TMPRSS4: variants seen among roughly 807,000 people sequenced by gnomAD.
TMPRSS4 encodes the protein transmembrane serine protease 4.
TMPRSS4 carries 45 observed loss-of-function variants against 56.4 expected under a neutral mutation model. The ratio of observed to expected loss-of-function variants is 0.80; its 90% CI spans 0.63 to 1.02. TMPRSS4 has a LOEUF of 1.02. TMPRSS4 is among the 50% of genes least tolerant of loss of function. The probability of loss-of-function intolerance (pLI) is 0.00; values close to 1 mark genes in which losing one functional copy is unlikely to be tolerated. For missense variants in TMPRSS4, 546 were observed against 556.7 expected, an observed-to-expected ratio of 0.98 and a Z score of 0.19; for synonymous variants, 205 against 211.0, an observed-to-expected ratio of 0.97 and a Z score of 0.25.
At chr11:118,091,058 A>T (rs1452237470) in intron 1 of TMPRSS4, among the ~76,000 whole-genome samples, 1 of 152,188 alleles carries the variant, frequency 6.6e-6, no homozygotes, top group African/African-American at 2.4e-5. Flanking sequence ...CTCAGTGGAA[A>T]AGAATGAATT....
Position 118,102,925 on chromosome 11 carries a change from C to A in TMPRSS4, c.158-176C>A, listed in dbSNP as rs1694183071. 3 of 758,016 alleles carry A rather than the reference C, an allele frequency of 4.0e-6. No homozygotes were observed. In the South Asian group the frequency reaches 5.3e-5, roughly 13 times the overall value. 47.0% of individuals were successfully genotyped at this position (758,016 alleles called of 1,614,324 possible). ...GGCCGGTGTTACTATCTCCACTTTA[C>A]AGACAAGGAAGCTGAGGCTCAGGCC... On this transcript the variant is annotated intron_variant, in intron 3 of 12. Coordinates refer to ENST00000437212, the MANE Select transcript of TMPRSS4 (RefSeq NM_019894.4).
intron 11 of TMPRSS4, among the ~76,000 whole-genome samples, chr11:118,116,229 C>T (rs1400511034): frequency 3.3e-5 from 5 of 152,212 alleles, no homozygotes; most frequent in Admixed American, 6.5e-5. Context: ...GCTGGGATTA[C>T]AGGCATGAGC....
chr11:118,090,006 GGC>G (rs1555082454), intron 1 of TMPRSS4, among the ~76,000 whole-genome samples: 1 of 152,044 alleles, frequency 6.6e-6, no homozygotes, highest in Non-Finnish European at 1.5e-5. Flanking sequence ...CACCACACCT[GGC>G]TAATCTTTGT....
intron 5 of TMPRSS4, chr11:118,105,651 CAG>C (rs1367587497): frequency 6.6e-6 from 1 of 152,160 alleles, no homozygotes; most frequent in Non-Finnish European, 1.5e-5. Context: ...GTTGATCACT[CAG>C]AGAGTTTAGC....
rs571667461 is a variant in TMPRSS4, at chr11:118,108,848, T to C, written c.543-8T>C. On this transcript the variant is annotated splice_polypyrimidine_tract_variant and splice_region_variant and intron_variant, in intron 6 of 12. Coordinates refer to ENST00000437212, the MANE Select transcript of TMPRSS4 (RefSeq NM_019894.4). ...CTTAAATCACAGGGCGCTGTGTCTG[T>C]CTTCCAGGCCCTGTCTCTCAGGCTC... 1 of 1,614,076 alleles carries C rather than the reference T, an allele frequency of 6.2e-7. No homozygotes were observed. Among genetic ancestry groups the C allele is most frequent in the East Asian group, 2.2e-5 (1 of 44,874 alleles).
chr11:118,082,691 G>C (rs1201681227), intron 1 of TMPRSS4, among the ~76,000 whole-genome samples: 1 of 152,098 alleles, frequency 6.6e-6, no homozygotes, highest in East Asian at 1.9e-4. Context: ...CTAAACTAAA[G>C]TTTCATACCC....
At chr11:118,084,768 A>G (rs1371625818) in intron 1 of TMPRSS4, among the ~76,000 whole-genome samples, 1 of 152,100 alleles carries the variant, frequency 6.6e-6, no homozygotes, top group Non-Finnish European at 1.5e-5. Context: ...CTCACCAACA[A>G]CCCTGTGAAT....
chr11:118,091,036 T>C (rs1287825429), intron 1 of TMPRSS4, among the ~76,000 whole-genome samples: 2 of 152,100 alleles, frequency 1.3e-5, no homozygotes, highest in Non-Finnish European at 2.9e-5. Flanking sequence ...CAGGCATGCA[T>C]GCACAGGTAG....
intron 5 of TMPRSS4, chr11:118,105,452 T>A (rs989893026): frequency 6.6e-6 from 1 of 151,970 alleles, no homozygotes; most frequent in Non-Finnish European, 1.5e-5. Context: ...TTATATCTAT[T>A]TCATAAATAG....
chr11:118,082,205 A>C (rs976160821), intron 1 of TMPRSS4, among the ~76,000 whole-genome samples: 1 of 152,182 alleles, frequency 6.6e-6, no homozygotes, highest in Non-Finnish European at 1.5e-5. Context: ...TTCACATCCA[A>C]AATCTCCCTT....
Position 118,115,260 on chromosome 11 carries a change from G to A in TMPRSS4, c.1132G>A (p.Gly378Arg). ...EKMMCAGIPE[G>R]GVDTCQGDSG... Reference sequence around the variant, plus strand: ...GATGATGTGTGCAGGCATCCCGGAAGGGGGTGTGGACACCTGCCAGGTGGG... The same window carrying A: ...GATGATGTGTGCAGGCATCCCGGAAAGGGGTGTGGACACCTGCCAGGTGGG... Residue 378 changes from glycine (G) to arginine (R), a missense_variant, in exon 11 of 13, where the codon GGG becomes AGG. Physicochemically the swap from Gly to Arg is moderately radical, Grantham distance 125 (BLOSUM62 -2). Coordinates refer to ENST00000437212, the MANE Select transcript of TMPRSS4 (RefSeq NM_019894.4). The A allele has an allele frequency of 1.9e-6, 3 of 1,612,822 alleles. No homozygotes were observed. The highest frequency in any genetic ancestry group is 1.7e-4 in the Middle Eastern group (1 of 6,058).
At chr11:118,111,611 CT>C (rs779854284) in intron 7 of TMPRSS4, 129 bp from the exon 8 acceptor site, 4 of 633,806 alleles carry the variant, frequency 6.3e-6, no homozygotes, top group Non-Finnish European at 1.0e-5. Flanking sequence ...TCATATTGGG[CT>C]GGTCCTCTCT....
Position 118,118,468 on chromosome 11 carries a change from G to A in TMPRSS4, c.*555G>A, listed in dbSNP as rs1245069600. On this transcript the variant is annotated 3_prime_UTR_variant, in exon 13 of 13. Transcript: ENST00000437212. ...GTAACATCTCTGGCATAGGCTAGCT[G>A]GAATGCTTGATAAGAACTGAGCTGG... is the stretch of plus-strand genomic sequence containing the variant. The A allele has an allele frequency of 2.0e-6, 2 of 986,102 alleles. No homozygotes were observed. The highest frequency in any genetic ancestry group is 6.1e-5 in the Admixed American group (1 of 16,308). 61.1% of individuals were successfully genotyped at this position (986,102 alleles called of 1,614,324 possible). A position where few individuals can be genotyped will look rare whatever the true frequency, so the allele number is the denominator to read the frequency against.
rs1382055232 is a variant in TMPRSS4 at position 118,117,899 on chromosome 11, T to C, written c.1303-3T>C. The C allele has an allele frequency of 1.2e-6, 2 of 1,613,750 alleles. No individual in the cohort carries two copies. The highest frequency in any genetic ancestry group is 1.7e-6 in the Non-Finnish European group (2 of 1,180,046). ...TTCTCTTCATCGGTCTCTCTTATTC[T>C]AGGCTGAGCTGTAATGCTGCTGCCC... is the stretch of plus-strand genomic sequence containing the variant. On this transcript the variant is annotated splice_polypyrimidine_tract_variant and splice_region_variant and intron_variant, in intron 12 of 12. Coordinates refer to ENST00000437212, the MANE Select transcript of TMPRSS4 (RefSeq NM_019894.4).
In TMPRSS4 at chr11:118,120,498, A is replaced by G. The variant is rs996768845; in HGVS notation, c.*2585A>G. 1.3e-4 allele frequency: 20 copies of G among 152,304 alleles called. No individual in the cohort carries two copies. The highest frequency in any genetic ancestry group is 8.3e-4 in the South Asian group (4 of 4,820). 9.4% of individuals were successfully genotyped at this position (152,304 alleles called of 1,614,324 possible). ...ACTTGCTATTTTCTGTTAAAAATGG[A>G]TATCTTAATAATCAAGCAAAAATAA... is the stretch of plus-strand genomic sequence containing the variant. On this transcript the variant is annotated 3_prime_UTR_variant, in exon 13 of 13. Coordinates refer to ENST00000437212, the MANE Select transcript of TMPRSS4 (RefSeq NM_019894.4).
chr11:118,110,262 A>G (rs140398620), intron 7 of TMPRSS4, among the ~76,000 whole-genome samples: 4 of 152,258 alleles, frequency 2.6e-5, no homozygotes, highest in African/African-American at 9.6e-5. Context: ...GTGGTCCCCA[A>G]CCTTTTTGGC....
intron 1 of TMPRSS4, among the ~76,000 whole-genome samples, chr11:118,082,639 G>A (rs1945233823): frequency 6.6e-6 from 1 of 152,080 alleles, no homozygotes; most frequent in Non-Finnish European, 1.5e-5. Flanking sequence ...CAAGGGCAAA[G>A]GGAAAACCAG....
intron 1 of TMPRSS4, among the ~76,000 whole-genome samples, chr11:118,084,762 C>T (rs951072798): frequency 1.3e-5 from 2 of 152,212 alleles, no homozygotes; most frequent in Non-Finnish European, 2.9e-5. Context: ...ATAATTCTCA[C>T]CAACAACCCT....
chr11:118,105,094 C>A (rs1006675645), intron 5 of TMPRSS4, among the ~76,000 whole-genome samples: 1 of 152,212 alleles, frequency 6.6e-6, no homozygotes, highest in Non-Finnish European at 1.5e-5. Context: ...AACACACACA[C>A]ACACACTTCT....
Sources: gnomAD v4.1 joint callset for allele counts (sites outside exome capture counted in the v4.1 genomes callset) on GRCh38, gnomAD v4.1.1 for gene constraint, MANE v1.5 for transcripts, NCBI Gene and HGNC (gene_info 2026-07-23, HGNC 2026-07-21) for gene names.